OR10A3: variants seen among roughly 807,000 people sequenced by gnomAD.
OR10A3 encodes the protein olfactory receptor family 10 subfamily A member 3.
Under a neutral mutation model 1.5 loss-of-function variants are expected in OR10A3, and 1 was observed. The ratio of observed to expected loss-of-function variants is 0.66; its 90% CI spans 0.23 to 3.11. The LOEUF is 3.11. Among genes scored for constraint, OR10A3 ranks in the 30% most tolerant of loss-of-function variants. OR10A3 has a pLI of 0.21. For missense variants in OR10A3, 398 were observed against 369.7 expected (o/e 1.08, Z -0.63); for synonymous variants, 145 against 143.7 (o/e 1.01, Z -0.06).
In OR10A3 at chr11:7,939,019, A is replaced by G; in HGVS notation, c.502T>C (p.Phe168Leu). The G allele has an allele frequency of 3.1e-6, 5 of 1,614,174 alleles. No homozygotes were observed. The highest frequency in any genetic ancestry group is 2.2e-5 in the South Asian group (2 of 91,082). ...TGATTAATTTCATTGGGGCCACAAA[A>G]TGGAAAACTAAATACCCAAGTGGTC... ...VQTTWVFSFP[F>L]CGPNEINHLF... The change falls in exon 2 of 2, where the codon TTT becomes CTT. Residue 168 changes from phenylalanine (F) to leucine (L), a missense_variant. Physicochemically the swap from Phe to Leu is conservative, Grantham distance 22. Coordinates refer to ENST00000642047, the MANE Select transcript of OR10A3 (RefSeq NM_001003745.2).
intron 1 of OR10A3, among the ~76,000 whole-genome samples, 171 bp from the exon 2 acceptor site, chr11:7,939,869 T>C (rs1589984637): frequency 3.9e-5 from 6 of 152,320 alleles, no homozygotes; most frequent in African/African-American, 1.4e-4. Context: ...TTCCAAAAAG[T>C]GAAGCAGTGT....
chr11:7,939,401 C>T lies in OR10A3; in HGVS notation c.120G>A (p.Met40Ile), dbSNP rs770068241. 1 of 1,614,114 alleles carries T rather than the reference C, an allele frequency of 6.2e-7. No individual in the cohort carries two copies. The highest frequency in any genetic ancestry group is 1.1e-5 in the South Asian group (1 of 91,068). ...VFLVIYVVTL[M>I]GNAIITVIIS... ...TGATGACTGTAATGATGGCATTTCC[C>T]ATCAGGGTCACCACATAAATAACTA... The change falls in exon 2 of 2, where the codon ATG becomes ATA. Residue 40 changes from methionine to isoleucine, a missense_variant. Coordinates refer to ENST00000642047, the MANE Select transcript of OR10A3 (RefSeq NM_001003745.2).
intron 1 of OR10A3, 137 bp from the exon 2 acceptor site, chr11:7,939,835 C>G (rs1589984625): frequency 3.5e-6 from 1 of 283,882 alleles, no homozygotes; most frequent in East Asian, 6.5e-5. Context: ...ATGCCAAGTT[C>G]CCCTTTAAAA....
rs1011949940 is a variant in OR10A3, at chr11:7,941,598, G to A, written c.-190C>T. The A allele has an allele frequency of 2.6e-5, 4 of 152,122 alleles. No homozygotes were observed. The highest frequency in any genetic ancestry group is 6.6e-5 in the Admixed American group (1 of 15,264). 9.4% of individuals were successfully genotyped at this position (152,122 alleles called of 1,614,324 possible). ...ATTGACTTTCTTACCTGAGCATTGAGTTATCACTTGATAAGTATCTCCAAT... is the reference window on the plus strand; with the variant it reads ...ATTGACTTTCTTACCTGAGCATTGAATTATCACTTGATAAGTATCTCCAAT... On this transcript the variant is annotated 5_prime_UTR_variant, in exon 1 of 2. Transcript: ENST00000642047.
At position 7,939,458 on chromosome 11, in the gene OR10A3, A is replaced by G. The variant is rs1314255498; in HGVS notation, c.63T>C (p.Pro21=). 8.8e-6 allele frequency: 14 copies of G among 1,596,184 alleles called. No homozygotes were observed. Among genetic ancestry groups the G allele is most frequent in the African/African-American group, 1.4e-5 (1 of 73,504 alleles). ...CCCCAAAGAGCTGCACCTGGAGCTC[A>G]GGAAAGTTAGAAAAGCCCAGGAGGA... is the stretch of plus-strand genomic sequence containing the variant. ...EFILLGFSNF[P]ELQVQLFGVF... Residue 21 remains proline, a synonymous_variant, in exon 2 of 2, where the codon CCT becomes CCC. Transcript: ENST00000642047.
rs1048200888 is a variant in OR10A3 at position 7,938,501 on chromosome 11, T to C, written c.*75A>G. Reference sequence around the variant, plus strand: ...ACATAGTCATACAAAAAATGCAGTCTGTTTTCACCCTTTATTAAATTTAAA... The same window carrying C: ...ACATAGTCATACAAAAAATGCAGTCCGTTTTCACCCTTTATTAAATTTAAA... On this transcript the variant is annotated 3_prime_UTR_variant, in exon 2 of 2. Coordinates refer to ENST00000642047, the MANE Select transcript of OR10A3 (RefSeq NM_001003745.2). The C allele has an allele frequency of 8.6e-6, 10 of 1,165,028 alleles. No homozygotes were observed. In the African/African-American group the frequency reaches 1.6e-4, roughly 18 times the overall value. The allele number at this position is 1,165,028 out of a possible 1,614,324, so 72.2% of individuals were successfully genotyped here.
At position 7,938,510 on chromosome 11, in the gene OR10A3, C is replaced by A; in HGVS notation, c.*66G>T. The A allele has an allele frequency of 1.6e-6, 2 of 1,243,456 alleles. No homozygotes were observed. Among genetic ancestry groups the A allele is most frequent in the South Asian group, 1.5e-5 (1 of 66,544 alleles). The allele number at this position is 1,243,456 out of a possible 1,614,324, so 77.0% of individuals were successfully genotyped here. A position where few individuals can be genotyped will look rare whatever the true frequency, so the allele number is the denominator to read the frequency against. On this transcript the variant is annotated 3_prime_UTR_variant, in exon 2 of 2. Transcript: ENST00000642047. ...TACAAAAAATGCAGTCTGTTTTCAC[C>A]CTTTATTAAATTTAAATAGAGTTCA...
In OR10A3 at chr11:7,939,188, T is replaced by C; in HGVS notation, c.333A>G (p.Glu111=). The change falls in exon 2 of 2, where the codon GAA becomes GAG. Residue 111 remains glutamate, a synonymous_variant. Transcript: ENST00000642047. ...MYFILLFGGT[E]CFLLGAMAYD... ...AAGCCATCGCTCCCAGGAGAAAACA[T>C]TCAGTCCCACCAAAAAGAAGGATGA... 2 of 1,614,142 alleles carry C rather than the reference T, an allele frequency of 1.2e-6. No homozygotes were observed. The highest frequency in any genetic ancestry group is 1.7e-6 in the Non-Finnish European group (2 of 1,180,030).
chr11:7,941,521 T>C (rs772058271), intron 1 of OR10A3, 66 bp downstream of exon 1: 12 of 152,138 alleles, frequency 7.9e-5, no homozygotes, highest in Non-Finnish European at 1.6e-4. Context: ...AAGCAAACCG[T>C]CTATAGATCT....
rs1010921723 is a variant in OR10A3 at position 7,938,784 on chromosome 11, G to A, written c.737C>T (p.Thr246Ile). The change falls in exon 2 of 2, where the codon ACA (threonine) becomes ATA (isoleucine). Residue 246 changes from threonine to isoleucine, a missense_variant. Thr to Ile is a moderately conservative substitution (Grantham distance 89). Transcript: ENST00000642047. ...KAFSTCASHL[T>I]SVTLFYGTAN... ...TGTGCCATAGAACAGGGTCACAGAT[G>A]TGAGGTGAGAGGCACAGGTGGAAAA... The A allele has an allele frequency of 2.5e-6, 4 of 1,614,094 alleles. No individual in the cohort carries two copies. In the African/African-American group the frequency reaches 5.3e-5, roughly 22 times the overall value.
intron 1 of OR10A3, among the ~76,000 whole-genome samples, chr11:7,941,312 C>T (rs1941439196): frequency 6.6e-6 from 1 of 152,094 alleles, no homozygotes; most frequent in Admixed American, 6.5e-5. Flanking sequence ...TCCATCTTTT[C>T]CCTTTAACAT....
chr11:7,939,557 G>A lies in OR10A3; in HGVS notation c.-37C>T. On this transcript the variant is annotated 5_prime_UTR_variant, in exon 2 of 2. Transcript: ENST00000642047. ...AAACTTATATTGTTTTTATGGACCTGGTATATCGAGTATGAAGTCGTAATC... is the reference window on the plus strand; with the variant it reads ...AAACTTATATTGTTTTTATGGACCTAGTATATCGAGTATGAAGTCGTAATC... The A allele has an allele frequency of 1.4e-6, 2 of 1,455,140 alleles. No individual in the cohort carries two copies. The highest frequency in any genetic ancestry group is 2.7e-5 in the South Asian group (2 of 72,740). The allele number at this position is 1,455,140 out of a possible 1,614,324, so 90.1% of individuals were successfully genotyped here. A position where few individuals can be genotyped will look rare whatever the true frequency, so the allele number is the denominator to read the frequency against.
Position 7,939,688 on chromosome 11 carries a change from T to C in OR10A3, c.-168A>G, listed in dbSNP as rs946160209. 2 of 498,982 alleles carry C rather than the reference T, an allele frequency of 4.0e-6. No homozygotes were observed. Among genetic ancestry groups the C allele is most frequent in the African/African-American group, 1.9e-5 (1 of 51,504 alleles). 30.9% of individuals were successfully genotyped at this position (498,982 alleles called of 1,614,324 possible). On this transcript the variant is annotated 5_prime_UTR_variant, in exon 2 of 2. Transcript: ENST00000642047. ...CTTTTGAAGAATGGCCAATGACTTG[T>C]AATAGTGAATCTTTAAAATACAAAT... is the stretch of plus-strand genomic sequence containing the variant.
At chr11:7,939,898 A>G (rs143168441) in intron 1 of OR10A3, among the ~76,000 whole-genome samples, 200 bp from the exon 2 acceptor site, 4 of 152,242 alleles carry the variant, frequency 2.6e-5, no homozygotes, top group African/African-American at 7.2e-5. Context: ...GCAGGAGCCT[A>G]TACCTCTTCC....
In OR10A3 at chr11:7,938,749, T is replaced by A. The variant is rs773745597; in HGVS notation, c.772A>T (p.Thr258Ser). The A allele has an allele frequency of 9.3e-6, 15 of 1,614,020 alleles. No individual in the cohort carries two copies. Among genetic ancestry groups the A allele is most frequent in the Non-Finnish European group, 1.3e-5 (15 of 1,180,036 alleles). ...VTLFYGTANM[T>S]YLQPKSGYSP... ...TAGCCAGATTTGGGTTGTAAATAAG[T>A]CATATTGGCTGTGCCATAGAACAGG... The change falls in exon 2 of 2, where the codon ACT (threonine) becomes TCT (serine). Residue 258 changes from threonine to serine, a missense_variant. Transcript: ENST00000642047.
In OR10A3 at chr11:7,938,515, A is replaced by C; in HGVS notation, c.*61T>G. On this transcript the variant is annotated 3_prime_UTR_variant, in exon 2 of 2. Transcript: ENST00000642047. ...AAAATGCAGTCTGTTTTCACCCTTT[A>C]TTAAATTTAAATAGAGTTCACTCAG... The C allele has an allele frequency of 1.1e-5, 14 of 1,261,242 alleles. No individual in the cohort carries two copies. The highest frequency in any genetic ancestry group is 1.5e-5 in the African/African-American group (1 of 66,280). 78.1% of individuals were successfully genotyped at this position (1,261,242 alleles called of 1,614,324 possible).
At chr11:7,941,499 G>C (rs1340780221) in intron 1 of OR10A3, 88 bp downstream of exon 1, 2 of 152,082 alleles carry the variant, frequency 1.3e-5, no homozygotes, top group Non-Finnish European at 2.9e-5. Flanking sequence ...TCTAAGAATT[G>C]ATGGTTTGTG....
At position 7,939,370 on chromosome 11, in the gene OR10A3, A is replaced by G. The variant is rs1941406030; in HGVS notation, c.151T>C (p.Leu51=). The change falls in exon 2 of 2, where the codon TTA becomes CTA. Residue 51 remains leucine, a synonymous_variant. Transcript: ENST00000642047. The stretch of plus-strand genomic sequence containing the variant: ...ATGGGAACGTGGAGGCTCTGGTTTA[A>G]GGAGATGATGACTGTAATGATGGCA... The part of the protein sequence containing the change: ...GNAIITVIIS[L]NQSLHVPMYL... 6.2e-7 allele frequency: 1 copy of G among 1,614,080 alleles called. No individual in the cohort carries two copies. Among genetic ancestry groups the G allele is most frequent in the Non-Finnish European group, 8.5e-7 (1 of 1,180,018 alleles).
Position 7,937,292 on chromosome 11 carries a change from T to G in OR10A3, c.*1284A>C, listed in dbSNP as rs1363020975. On this transcript the variant is annotated 3_prime_UTR_variant, in exon 2 of 2. Transcript: ENST00000642047. ...TTAGCAGAATATGTATATCTAATCT[T>G]AACATCACAGTATCAGTTTTATTCC... The G allele has an allele frequency of 1.3e-5, 2 of 152,222 alleles. No individual in the cohort carries two copies. The highest frequency in any genetic ancestry group is 2.9e-5 in the Non-Finnish European group (2 of 68,032). The allele number at this position is 152,222 out of a possible 1,614,324, so 9.4% of individuals were successfully genotyped here.
Sources: allele counts gnomAD v4.1 joint callset (sites outside exome capture counted in the v4.1 genomes callset), GRCh38; gene constraint gnomAD v4.1.1; transcripts MANE v1.5; gene names NCBI Gene and HGNC (gene_info 2026-07-23, HGNC 2026-07-21).